EHMT2: variants seen among roughly 807,000 people sequenced by gnomAD.
The protein encoded by EHMT2 is histone-lysine N-methyltransferase EHMT2.
Under a neutral mutation model 143.3 loss-of-function variants are expected in EHMT2, and 59 were observed. That is an observed-to-expected ratio of 0.41 (90% CI 0.33 to 0.51). EHMT2 has a LOEUF of 0.51. EHMT2 is among the 20% of genes least tolerant of loss of function. The pLI is 0.18. For missense variants in EHMT2, 1,174 were observed against 1,645.9 expected, an observed-to-expected ratio of 0.71 and a Z score of 4.96; for synonymous variants, 604 against 651.5, an observed-to-expected ratio of 0.93 and a Z score of 1.11.
At chr6:31,892,712 C>G in exon 6 of EHMT2, 2 of 1,613,156 alleles carry the variant, frequency 1.2e-6, no homozygotes, top group Non-Finnish European at 1.7e-6. Flanking sequence ...CTCCTGAGTT[C>G]AGCTTCCTCC....
chr6:31,889,730 G>A lies in EHMT2; in HGVS notation c.865-128C>T. 1 of 1,199,026 alleles carries A rather than the reference G, an allele frequency of 8.3e-7. No individual in the cohort carries two copies. Among genetic ancestry groups the A allele is most frequent in the Non-Finnish European group, 1.2e-6 (1 of 835,770 alleles). The allele number at this position is 1,199,026 out of a possible 1,614,324, so 74.3% of individuals were successfully genotyped here. On this transcript the variant is annotated intron_variant, in intron 7 of 27. Transcript: ENST00000375537. This position sits in a 1 kb window ranked among gnomAD's most constrained non-coding sequence, Gnocchi z 5.1. ...TGGCTGCTGGGGATAAGTGTGGGTA[G>A]CAGAGGAGACAAAGGGCCACATAAA...
intron 18 of EHMT2, chr6:31,885,732 A>G (rs1764750373): frequency 6.6e-6 from 1 of 152,198 alleles, no homozygotes; most frequent in Non-Finnish European, 1.5e-5. Context: ...TGTCTCTTAA[A>G]AGAAAAAACG....
intron 15 of EHMT2, 24 bp from the exon 16 acceptor site, chr6:31,887,125 G>C: frequency 6.4e-7 from 1 of 1,567,098 alleles, no homozygotes; most frequent in South Asian, 1.2e-5. Flanking sequence ...CCGCCACACC[G>C]GGAGAGGGAG....
chr6:31,889,536 C>T lies in EHMT2; in HGVS notation c.931G>A (p.Glu311Lys). 2 of 1,612,022 alleles carry T rather than the reference C, an allele frequency of 1.2e-6. No individual in the cohort carries two copies. Among genetic ancestry groups the T allele is most frequent in the Non-Finnish European group, 1.7e-6 (2 of 1,179,756 alleles). ...TCCTCTTCCTCCTCCTCTTCCTCTT[C>T]TTCTTCTTCCTCCTCTTCCTCCTCC... is the stretch of plus-strand genomic sequence containing the variant. Residue 311 changes from glutamate (E) to lysine (K), a missense_variant, in exon 8 of 28, where the codon GAA (glutamate) becomes AAA (lysine). This residue lies in a region of EHMT2 where 399 missense variants were observed against 404.4 expected (regional missense o/e 0.99). Transcript: ENST00000375537. The surrounding 1 kb of genome is among the most constrained non-coding windows in gnomAD (Gnocchi z 5.1).
exon 17 of EHMT2, chr6:31,886,892 T>C (rs1489530624): frequency 1.2e-6 from 2 of 1,613,970 alleles, no homozygotes; most frequent in Non-Finnish European, 1.7e-6. Context: ...TTATGTTGGC[T>C]CCAGCCTGTG....
rs1379682066 is a variant in EHMT2, at chr6:31,881,117, T to G, written c.3198-25A>C. 2.5e-6 allele frequency: 4 copies of G among 1,603,336 alleles called. No individual in the cohort carries two copies. The highest frequency in any genetic ancestry group is 3.4e-6 in the Non-Finnish European group (4 of 1,171,474). Reference sequence around the variant, plus strand: ...CCTGTGGGACAGGAATCCATGGTTCTGAAGGTGAGTGTGGGCTATTAGGAG... The same window carrying G: ...CCTGTGGGACAGGAATCCATGGTTCGGAAGGTGAGTGTGGGCTATTAGGAG... On this transcript the variant is annotated intron_variant, in intron 25 of 27. Transcript: ENST00000375537. The surrounding 1 kb of genome is among the most constrained non-coding windows in gnomAD (Gnocchi z 4.8).
At chr6:31,882,454 G>A (rs1182771523) in intron 25 of EHMT2, among the ~76,000 whole-genome samples, 1 of 152,080 alleles carries the variant, frequency 6.6e-6, no homozygotes, top group Non-Finnish European at 1.5e-5. Flanking sequence ...GAGGTGGAGG[G>A]GAGGGAAGAC....
intron 7 of EHMT2, among the ~76,000 whole-genome samples, chr6:31,891,349 ATG>A (rs71552095): frequency 0.11 from 17,057 of 152,212 alleles, 1,780 homozygotes; most frequent in African/African-American, 0.28. Context: ...AGGATATTTG[ATG>A]GTATTAAGAA....
intron 18 of EHMT2, 73 bp from the exon 19 acceptor site, chr6:31,885,089 C>CTG: frequency 2.0e-6 from 3 of 1,514,170 alleles, no homozygotes; most frequent in Non-Finnish European, 2.7e-6. Flanking sequence ...TCAAGATTGG[C>CTG]TGTGTGTGTG....
rs1764639809 is a variant in EHMT2, at chr6:31,884,969, G to A, written c.2391C>T (p.His797=). 1.2e-6 allele frequency: 2 copies of A among 1,611,238 alleles called. No individual in the cohort carries two copies. The highest frequency in any genetic ancestry group is 1.7e-6 in the Non-Finnish European group (2 of 1,178,126). Residue 797 remains histidine (H), a synonymous_variant, in exon 19 of 28, where the codon CAC becomes CAT. Coordinates refer to ENST00000375537, the Ensembl canonical transcript of EHMT2. The surrounding 1 kb of genome is among the most constrained non-coding windows in gnomAD (Gnocchi z 7.3). Reference sequence around the variant, plus strand: ...TCAGTAGCATGCGGATCACCTCGATGTGCTTGTGCTCTGCAGCCCAGATGA... The same window carrying A: ...TCAGTAGCATGCGGATCACCTCGATATGCTTGTGCTCTGCAGCCCAGATGA...
At position 31,883,687 on chromosome 6, in the gene EHMT2, C is replaced by G. The variant is rs975423997; in HGVS notation, c.2916+119G>C. 7.0e-6 allele frequency: 10 copies of G among 1,419,866 alleles called. No homozygotes were observed. The highest frequency in any genetic ancestry group is 9.7e-6 in the Non-Finnish European group (10 of 1,032,422). 88.0% of individuals were successfully genotyped at this position (1,419,866 alleles called of 1,614,324 possible). A position where few individuals can be genotyped will look rare whatever the true frequency, so the allele number is the denominator to read the frequency against. On this transcript the variant is annotated intron_variant, in intron 22 of 27. Transcript: ENST00000375537. This position sits in a 1 kb window ranked among gnomAD's most constrained non-coding sequence, Gnocchi z 5.6. ...CCCTGGTGGGGATGCGACCCCACAC[C>G]AGGGCTCCCTTTCAGCCAACCCTTC...
Position 31,886,574 on chromosome 6 carries a change from C to T in EHMT2, c.2343+7G>A, listed in dbSNP as rs370756299. 1,504 of 1,609,066 alleles carry T rather than the reference C, an allele frequency of 9.3e-4. 14 individuals are homozygous for T. Among genetic ancestry groups the T allele is most frequent in the Non-Finnish European group, 2.7e-4 (314 of 1,177,602 alleles). ...CCCAGAGGGGCTGGGCTGGGTGGGC[C>T]GCTGACCTGGGCGTTGACGTCCACC... On this transcript the variant is annotated splice_region_variant and intron_variant, in intron 18 of 27. Coordinates refer to ENST00000375537, the Ensembl canonical transcript of EHMT2.
intron 18 of EHMT2, chr6:31,886,333 G>A (rs943606171): frequency 1.3e-5 from 7 of 546,032 alleles, no homozygotes; most frequent in African/African-American, 9.4e-5. Flanking sequence ...CAACCCAAGA[G>A]TTAATAAAAA....
chr6:31,884,776 C>T lies in EHMT2; in HGVS notation c.2472G>A (p.Trp824Ter), dbSNP rs1316302912. ...TGGCGGCGCTGCCCGTGAAGGAGGC[C>T]CAGTGCAGGCAGATGTTCTCCTCCT... The change falls in exon 20 of 28, where the codon TGG (tryptophan) becomes TGA (stop). Residue 824 changes from tryptophan to a stop codon, truncating the protein, a stop_gained. Coordinates refer to ENST00000375537, the Ensembl canonical transcript of EHMT2. LOFTEE classifies it high-confidence loss of function. The surrounding 1 kb of genome is among the most constrained non-coding windows in gnomAD (Gnocchi z 7.3). 1.2e-6 allele frequency: 2 copies of T among 1,600,600 alleles called. No homozygotes were observed. The highest frequency in any genetic ancestry group is 1.7e-6 in the Non-Finnish European group (2 of 1,174,054).
exon 28 of EHMT2, chr6:31,879,995 C>A: frequency 3.5e-6 from 5 of 1,436,908 alleles, no homozygotes; most frequent in Non-Finnish European, 4.8e-6. Flanking sequence ...GATGGCAGCA[C>A]CCCCAGGCAT....
At chr6:31,894,885 T>G (rs560934632) in intron 4 of EHMT2, among the ~76,000 whole-genome samples, 1 of 152,296 alleles carries the variant, frequency 6.6e-6, no homozygotes, top group African/African-American at 2.4e-5. Context: ...ACTCCTGACC[T>G]CAAGTGATTG....
At position 31,880,917 on chromosome 6, in the gene EHMT2, C is replaced by T; in HGVS notation, c.3277-69G>A. ...CTTGCCCTCCCCACCCACTGACTCC[C>T]CAGTCCCTCCTCCCCAGGTTTCCAT... On this transcript the variant is annotated intron_variant, in intron 26 of 27. Coordinates refer to ENST00000375537, the Ensembl canonical transcript of EHMT2. This position sits in a 1 kb window ranked among gnomAD's most constrained non-coding sequence, Gnocchi z 6.6. 6 of 1,607,700 alleles carry T rather than the reference C, an allele frequency of 3.7e-6. No individual in the cohort carries two copies. Among genetic ancestry groups the T allele is most frequent in the South Asian group, 1.1e-5 (1 of 90,944 alleles).
Position 31,884,814 on chromosome 6 carries a change from G to A in EHMT2, c.2449-15C>T, listed in dbSNP as rs1225909590. 6.3e-7 allele frequency: 1 copy of A among 1,592,344 alleles called. No homozygotes were observed. The highest frequency in any genetic ancestry group is 1.1e-5 in the South Asian group (1 of 89,512). On this transcript the variant is annotated splice_polypyrimidine_tract_variant and intron_variant, in intron 19 of 27. Coordinates refer to ENST00000375537, the Ensembl canonical transcript of EHMT2. The surrounding 1 kb of genome is among the most constrained non-coding windows in gnomAD (Gnocchi z 7.3). Reference sequence around the variant, plus strand: ...ATGTTCTCCTCCTGTGGAGGTAGGAGGGGAACAGATGAGGTGCAGGCAGCT... The same window carrying A: ...ATGTTCTCCTCCTGTGGAGGTAGGAAGGGAACAGATGAGGTGCAGGCAGCT...
chr6:31,893,080 G>C, intron 4 of EHMT2, 170 bp from the exon 5 acceptor site: 1 of 583,874 alleles, frequency 1.7e-6, no homozygotes. Context: ...CAGAGGAAGA[G>C]TGTCAAGCAC....
Sources: gnomAD v4.1 joint callset for allele counts (sites outside exome capture counted in the v4.1 genomes callset) on GRCh38, gnomAD v4.1.1 for gene constraint, gnomAD v4.1.1 regional missense constraint, Gnocchi (gnomAD v3.1) non-coding constraint, MANE v1.5 for transcripts, NCBI Gene and HGNC (gene_info 2026-07-23, HGNC 2026-07-21) for gene names.